DMTF1: variants seen among roughly 807,000 people sequenced by gnomAD.
The protein encoded by DMTF1 is cyclin D binding myb like transcription factor 1, also known as cyclin-D-binding Myb-like transcription factor 1.
DMTF1 carries 39 observed loss-of-function variants against 91.1 expected under a neutral mutation model. The ratio of observed to expected loss-of-function variants is 0.43; its 90% CI spans 0.33 to 0.56. DMTF1 has a LOEUF of 0.56. Among genes scored for constraint, DMTF1 ranks in the 20% least tolerant of loss-of-function variants. The probability of loss-of-function intolerance (pLI) is 0.05; values close to 1 mark genes in which losing one functional copy is unlikely to be tolerated. For missense variants in DMTF1, 750 were observed against 914.5 expected, an observed-to-expected ratio of 0.82 and a Z score of 2.32; for synonymous variants, 338 against 309.5, an observed-to-expected ratio of 1.09 and a Z score of -0.97.
intron 12 of DMTF1, 173 bp downstream of exon 12, chr7:87,186,153 C>T: frequency 1.6e-6 from 1 of 638,982 alleles, no homozygotes; most frequent in Non-Finnish European, 2.6e-6. Flanking sequence ...AGAGTTAATA[C>T]TGTTTGTAAT....
chr7:87,194,418 G>A (rs1257786540), intron 16 of DMTF1: 3 of 483,144 alleles, frequency 6.2e-6, no homozygotes, highest in Non-Finnish European at 1.1e-5. Flanking sequence ...GTTCAGCCTA[G>A]GAACATCATC....
chr7:87,173,496 T>G lies in DMTF1; in HGVS notation c.328-39T>G, dbSNP rs1298176095. 7 of 1,393,574 alleles carry G rather than the reference T, an allele frequency of 5.0e-6. No individual in the cohort carries two copies. In the East Asian group the frequency reaches 1.7e-4, roughly 33 times the overall value. The allele number at this position is 1,393,574 out of a possible 1,614,324, so 86.3% of individuals were successfully genotyped here. A position where few individuals can be genotyped will look rare whatever the true frequency, so the allele number is the denominator to read the frequency against. On this transcript the variant is annotated intron_variant, in intron 5 of 17. Coordinates refer to ENST00000331242, the MANE Select transcript of DMTF1 (RefSeq NM_001142327.2). ...TAAATCAAGCTGCCATTTTTTTGTT[T>G]TGTTTTGTTTTGTTTTGTTTTACTT...
intron 8 of DMTF1, among the ~76,000 whole-genome samples, chr7:87,180,157 G>T (rs1797025210): frequency 6.6e-6 from 1 of 152,090 alleles, no homozygotes; most frequent in Non-Finnish European, 1.5e-5. Flanking sequence ...TTATGGGAAG[G>T]CATCATTAAG....
chr7:87,161,308 G>T (rs916842812), intron 1 of DMTF1, among the ~76,000 whole-genome samples: 2 of 152,140 alleles, frequency 1.3e-5, no homozygotes, highest in Non-Finnish European at 2.9e-5. Flanking sequence ...GACCAGCCTG[G>T]TCAACATGGT....
At chr7:87,185,633 G>C (rs1400273434) in intron 11 of DMTF1, among the ~76,000 whole-genome samples, 196 bp from the exon 12 acceptor site, 1 of 152,152 alleles carries the variant, frequency 6.6e-6, no homozygotes, top group Non-Finnish European at 1.5e-5. Flanking sequence ...AGTGGTTGCT[G>C]TTGGTATTTC....
At chr7:87,184,668 C>T (rs758374744) in intron 11 of DMTF1, 43 bp downstream of exon 11, 10 of 1,539,846 alleles carry the variant, frequency 6.5e-6, no homozygotes, top group Non-Finnish European at 8.9e-6. Flanking sequence ...AACTTAATTT[C>T]TGTGGATGTC....
At chr7:87,193,451 C>T in intron 15 of DMTF1, 98 bp downstream of exon 15, 1 of 1,244,716 alleles carries the variant, frequency 8.0e-7, no homozygotes. Flanking sequence ...ACAGTTCTTC[C>T]TACTGCTGCT....
chr7:87,170,659 A>G (rs1794858086), intron 4 of DMTF1, among the ~76,000 whole-genome samples: 2 of 152,086 alleles, frequency 1.3e-5, no homozygotes, highest in Non-Finnish European at 2.9e-5. Context: ...ACCCCAACAC[A>G]TTCCCTTTCC....
chr7:87,172,379 A>G (rs1446085238), intron 5 of DMTF1, among the ~76,000 whole-genome samples: 3 of 152,250 alleles, frequency 2.0e-5, no homozygotes, highest in Non-Finnish European at 4.4e-5. Context: ...AAACGCTTTC[A>G]TAAACACACT....
At chr7:87,161,584 G>T (rs971827228) in intron 1 of DMTF1, among the ~76,000 whole-genome samples, 2 of 152,110 alleles carry the variant, frequency 1.3e-5, no homozygotes, top group Non-Finnish European at 2.9e-5. Flanking sequence ...TAATATATTT[G>T]GATATATTTG....
intron 3 of DMTF1, among the ~76,000 whole-genome samples, chr7:87,165,986 T>G (rs1793735278): frequency 6.6e-6 from 1 of 152,216 alleles, no homozygotes; most frequent in African/African-American, 2.4e-5. Flanking sequence ...TTCAAGCAGC[T>G]GATGAAATTG....
At chr7:87,169,593 A>G (rs1794632817) in intron 4 of DMTF1, among the ~76,000 whole-genome samples, 1 of 152,116 alleles carries the variant, frequency 6.6e-6, no homozygotes, top group Non-Finnish European at 1.5e-5. Flanking sequence ...AACTTACTCC[A>G]GTCAAGCTTT....
chr7:87,173,443 C>A, intron 5 of DMTF1, 92 bp from the exon 6 acceptor site: 1 of 673,370 alleles, frequency 1.5e-6, no homozygotes, highest in Non-Finnish European at 2.5e-6. Flanking sequence ...TAATGCTTAG[C>A]ATTACAAAGA....
intron 1 of DMTF1, among the ~76,000 whole-genome samples, chr7:87,153,189 T>TA (rs1274716550): frequency 2.0e-5 from 3 of 151,932 alleles, no homozygotes; most frequent in African/African-American, 4.8e-5. Flanking sequence ...GGCCCAGACA[T>TA]AGAGAATCGG....
intron 1 of DMTF1, among the ~76,000 whole-genome samples, chr7:87,161,545 G>A (rs909433534): frequency 6.6e-6 from 1 of 152,130 alleles, no homozygotes. Context: ...AAAGGTGACT[G>A]TATCCCCAGT....
Position 87,188,177 on chromosome 7 carries a change from A to C in DMTF1, c.1287A>C (p.Pro429=), listed in dbSNP as rs762899797. 4 of 1,614,010 alleles carry C rather than the reference A, an allele frequency of 2.5e-6. No homozygotes were observed. The highest frequency in any genetic ancestry group is 3.4e-6 in the Non-Finnish European group (4 of 1,179,922). The change falls in exon 13 of 18, where the codon CCA becomes CCC. Residue 429 remains proline (P), a synonymous_variant. Transcript: ENST00000331242. The part of the protein sequence containing the change: ...LLENKSGSGV[P]NSNTNSSVQH... ...AGAATAAATCAGGATCTGGAGTTCC[A>C]AACAGTAATACCAATTCCAGTGTGC...
intron 1 of DMTF1, among the ~76,000 whole-genome samples, chr7:87,157,333 T>A (rs1294169528): frequency 6.6e-6 from 1 of 152,138 alleles, no homozygotes; most frequent in Non-Finnish European, 1.5e-5. Flanking sequence ...CATTTTAGAA[T>A]CACAGCTCCA....
At chr7:87,189,187 A>G (rs918843698) in intron 13 of DMTF1, among the ~76,000 whole-genome samples, 33 of 152,128 alleles carry the variant, frequency 2.2e-4, no homozygotes, top group African/African-American at 7.5e-4. Context: ...CATGTTTCCA[A>G]ATATACCATT....
chr7:87,194,848 A>ACT lies in DMTF1; in HGVS notation c.2173+21_2173+22dup, dbSNP rs748821353. 6.3e-7 allele frequency: 1 copy of ACT among 1,581,386 alleles called. No homozygotes were observed. Among genetic ancestry groups the ACT allele is most frequent in the South Asian group, 1.2e-5 (1 of 86,160 alleles). On this transcript the variant is annotated intron_variant, in intron 17 of 17. Transcript: ENST00000331242. ...TAACAGGTACTGTAATATAATACTT[A>ACT]CTATGTGCCTGATAAATTTTAGATG...
Sources: allele counts gnomAD v4.1 joint callset (sites outside exome capture counted in the v4.1 genomes callset), GRCh38; gene constraint gnomAD v4.1.1; transcripts MANE v1.5; gene names NCBI Gene and HGNC (gene_info 2026-07-23, HGNC 2026-07-21).